The following CNOT4 variants were observed in gnomAD, a reference collection of about 807,000 sequenced individuals.
CNOT4 encodes CCR4-NOT transcription complex subunit 4.
Under a neutral mutation model 73.8 loss-of-function variants are expected in CNOT4, and 8 were observed. The ratio of observed to expected loss-of-function variants is 0.11; its 90% CI spans 0.06 to 0.20. The LOEUF is 0.20. Among genes scored for constraint, CNOT4 ranks in the 10% least tolerant of loss-of-function variants. The pLI, the probability that CNOT4 is intolerant of heterozygous loss-of-function variation, is 1.00. For missense variants in CNOT4, 564 were observed against 883.4 expected (o/e 0.64, Z 4.58); for synonymous variants, 293 against 321.1 (o/e 0.91, Z 0.94).
intron 1 of CNOT4, among the ~76,000 whole-genome samples, chr7:135,479,173 T>C (rs1802193702): frequency 6.6e-6 from 1 of 150,930 alleles, no homozygotes; most frequent in Non-Finnish European, 1.5e-5. Flanking sequence ...AATCTTACAG[T>C]CTCACCAAAG....
At chr7:135,373,153 A>G (rs1453678437) in intron 10 of CNOT4, among the ~76,000 whole-genome samples, 1 of 152,190 alleles carries the variant, frequency 6.6e-6, no homozygotes, top group African/African-American at 2.4e-5. Flanking sequence ...CTTACGGATT[A>G]AAGTCAGAAT....
chr7:135,438,120 TAAAACA>T (rs747162314), intron 2 of CNOT4, 32 bp downstream of exon 2: 1 of 1,241,840 alleles, frequency 8.1e-7, no homozygotes, highest in Non-Finnish European at 1.2e-6. Context: ...ACTATACAAT[TAAAACA>T]AATCACTGTG....
At chr7:135,476,105 G>A (rs1282685636) in intron 1 of CNOT4, among the ~76,000 whole-genome samples, 1 of 152,092 alleles carries the variant, frequency 6.6e-6, no homozygotes, top group African/African-American at 2.4e-5. Flanking sequence ...GTCAAAAAAT[G>A]TAGTAAAAAG....
intron 10 of CNOT4, among the ~76,000 whole-genome samples, chr7:135,382,061 A>C (rs1000993902): frequency 6.6e-6 from 1 of 152,166 alleles, no homozygotes; most frequent in African/African-American, 2.4e-5. Flanking sequence ...GGAGAAAAGG[A>C]AATGGTTCTC....
At chr7:135,481,408 G>A (rs897909451) in intron 1 of CNOT4, among the ~76,000 whole-genome samples, 4 of 152,126 alleles carry the variant, frequency 2.6e-5, no homozygotes, top group South Asian at 2.1e-4. Flanking sequence ...CAGTTAGAAC[G>A]GATATTTCTT....
intron 1 of CNOT4, among the ~76,000 whole-genome samples, chr7:135,477,569 A>T (rs951084542): frequency 6.6e-6 from 1 of 152,174 alleles, no homozygotes; most frequent in Admixed American, 6.5e-5. Context: ...GAATGAGTAC[A>T]TTGTTCTGAA....
chr7:135,461,022 G>T (rs570641918), intron 1 of CNOT4, among the ~76,000 whole-genome samples: 8 of 152,244 alleles, frequency 5.3e-5, no homozygotes, highest in Middle Eastern at 3.4e-3. Flanking sequence ...TTAGCTCATG[G>T]ACTTTACAAA....
chr7:135,461,831 C>CA (rs1800896711), intron 1 of CNOT4, among the ~76,000 whole-genome samples: 5 of 150,868 alleles, frequency 3.3e-5, no homozygotes, highest in Non-Finnish European at 7.4e-5. Flanking sequence ...GATCCCGTCC[C>CA]AAAAAAATAA....
chr7:135,423,950 T>C (rs1403054423), intron 2 of CNOT4, among the ~76,000 whole-genome samples: 2 of 151,952 alleles, frequency 1.3e-5, no homozygotes, highest in Non-Finnish European at 2.9e-5. Flanking sequence ...TCAATAAATA[T>C]TTGCCAAGCA....
chr7:135,374,537 A>G lies in CNOT4; in HGVS notation c.1628-10471T>C, dbSNP rs575227231. 2.6e-5 allele frequency among the ~76,000 whole-genome samples: 4 copies of G among 152,310 alleles called. No homozygotes were observed. The South Asian group carries it at 8.3e-4, about 32-fold the overall frequency. On this transcript the variant is annotated intron_variant, in intron 10 of 11. Coordinates refer to ENST00000541284, the MANE Select transcript of CNOT4 (RefSeq NM_001190850.2). ...GCTTATATTTGACTCCATGCTTTTTATTATACTTAACAAAAGCCACAAAGT... is the reference window on the plus strand; with the variant it reads ...GCTTATATTTGACTCCATGCTTTTTGTTATACTTAACAAAAGCCACAAAGT...
chr7:135,366,168 G>A (rs1794901766), intron 10 of CNOT4, among the ~76,000 whole-genome samples: 1 of 152,146 alleles, frequency 6.6e-6, no homozygotes. Flanking sequence ...CTCTTCTACT[G>A]AATAGGGAGA....
chr7:135,430,098 A>G (rs1047774401), intron 2 of CNOT4, among the ~76,000 whole-genome samples: 1 of 152,234 alleles, frequency 6.6e-6, no homozygotes, highest in African/African-American at 2.4e-5. Flanking sequence ...TAGAAAAGAA[A>G]TAAAAAAAGA....
chr7:135,482,027 T>G (rs1173627849), intron 1 of CNOT4, among the ~76,000 whole-genome samples: 1 of 152,054 alleles, frequency 6.6e-6, no homozygotes, highest in Admixed American at 6.6e-5. Flanking sequence ...AATAGCAGAG[T>G]ACTGGTGACT....
intron 1 of CNOT4, among the ~76,000 whole-genome samples, chr7:135,453,821 A>AT (rs1800332419): frequency 1.1e-5 from 1 of 88,590 alleles, no homozygotes; most frequent in Admixed American, 1.3e-4. Flanking sequence ...ATAAATATAT[A>AT]TATTTTATAT....
chr7:135,479,500 C>T (rs1249776001), intron 1 of CNOT4, among the ~76,000 whole-genome samples: 3 of 151,638 alleles, frequency 2.0e-5, no homozygotes, highest in African/African-American at 7.3e-5. Context: ...TGAGCCACCG[C>T]GCCCATCCAG....
chr7:135,457,444 A>G (rs1177260184), intron 1 of CNOT4, among the ~76,000 whole-genome samples: 1 of 152,090 alleles, frequency 6.6e-6, no homozygotes, highest in Non-Finnish European at 1.5e-5. Flanking sequence ...TATGATACAC[A>G]GTATCTCGCA....
chr7:135,421,239 C>A lies in CNOT4; in HGVS notation c.372+917G>T, dbSNP rs1167274982. On this transcript the variant is annotated intron_variant, in intron 3 of 11. Transcript: ENST00000541284. ...CTCCTTAAAGATCCTCCTTCTGGGGCCTTTAACACGCTCAGCCAATTCCCA... is the reference window on the plus strand; with the variant it reads ...CTCCTTAAAGATCCTCCTTCTGGGGACTTTAACACGCTCAGCCAATTCCCA... Among the ~76,000 whole-genome samples the A allele has an allele frequency of 3.9e-5, 6 of 152,126 alleles. No individual in the cohort carries two copies. The South Asian group carries it at 1.0e-3, about 26-fold the overall frequency.
intron 1 of CNOT4, among the ~76,000 whole-genome samples, chr7:135,453,114 T>C (rs899077446): frequency 4.6e-5 from 7 of 152,220 alleles, no homozygotes; most frequent in Non-Finnish European, 8.8e-5. Flanking sequence ...CCAGGTATTA[T>C]AAGCTTAAAA....
At chr7:135,397,584 A>C (rs531089563) in intron 8 of CNOT4, among the ~76,000 whole-genome samples, 55 of 150,720 alleles carry the variant, frequency 3.6e-4, no homozygotes, top group African/African-American at 1.3e-3. Flanking sequence ...GATGTATAGA[A>C]ACTCAAGGAG....
Sources: allele counts gnomAD v4.1 joint callset (sites outside exome capture counted in the v4.1 genomes callset), GRCh38; gene constraint gnomAD v4.1.1; transcripts MANE v1.5; gene names NCBI Gene and HGNC (gene_info 2026-07-23, HGNC 2026-07-21).